DOCK8: variants seen among roughly 807,000 people sequenced by gnomAD.
DOCK8 encodes dedicator of cytokinesis protein 8.
Under a neutral mutation model 245.6 loss-of-function variants are expected in DOCK8, and 141 were observed. That is an observed-to-expected ratio of 0.57 (90% CI 0.50 to 0.66). DOCK8 has a LOEUF of 0.66. Among genes scored for constraint, DOCK8 ranks in the 30% least tolerant of loss-of-function variants. The probability of loss-of-function intolerance (pLI) is 0.00; values close to 1 mark genes in which losing one functional copy is unlikely to be tolerated. For synonymous variants in DOCK8, 1,168 were observed against 970.2 expected, an observed-to-expected ratio of 1.20 and a Z score of -3.79; for missense variants, 2,965 against 2,603.4, an observed-to-expected ratio of 1.14 and a Z score of -3.02.
At chr9:308,186 A>G (rs2049935368) in intron 5 of DOCK8, among the ~76,000 whole-genome samples, 1 of 152,246 alleles carries the variant, frequency 6.6e-6, no homozygotes, top group Non-Finnish European at 1.5e-5. Context: ...GTGTTTCCAA[A>G]TAGCTAGAAG....
intron 15 of DOCK8, chr9:370,008 G>T: frequency 1.7e-6 from 1 of 585,972 alleles, no homozygotes; most frequent in Admixed American, 2.8e-5. Context: ...TCGCCATGTT[G>T]CCCAGGCTGG....
intron 7 of DOCK8, among the ~76,000 whole-genome samples, chr9:318,442 G>T (rs991739092): frequency 2.0e-5 from 3 of 152,184 alleles, no homozygotes; most frequent in Non-Finnish European, 2.9e-5. Context: ...GAAGTTGATA[G>T]ACCTTATGGT....
chr9:354,726 T>C (rs2131046429), intron 14 of DOCK8, among the ~76,000 whole-genome samples: 1 of 152,316 alleles, frequency 6.6e-6, no homozygotes, highest in Middle Eastern at 3.4e-3. Context: ...GGTTCCTCAC[T>C]AAGCCAGAGG....
At chr9:393,307 TAATAGTTGGCATACC>T (rs149748021) in intron 24 of DOCK8, among the ~76,000 whole-genome samples, 30,786 of 151,908 alleles carry the variant, frequency 0.2, 3,244 homozygotes, top group Middle Eastern at 0.27. Flanking sequence ...AGAATCCCAA[TAATAGTTGGCATACC>T]AATAGTTGGC....
intron 14 of DOCK8, chr9:366,453 C>G (rs1162562774): frequency 6.6e-6 from 1 of 152,172 alleles, no homozygotes. Flanking sequence ...ATCATTTTTC[C>G]TCTCGAATAC....
At position 295,099 on chromosome 9, in the gene DOCK8, G is replaced by A. The variant is rs574948663; in HGVS notation, c.404+5518G>A. 3.3e-5 allele frequency among the ~76,000 whole-genome samples: 5 copies of A among 152,180 alleles called. No individual in the cohort carries two copies. The East Asian group carries it at 7.7e-4, about 23-fold the overall frequency. ...CGCTTGAACCTGGGAGGCGGAGGTT[G>A]CAGTGAGCTGAGATCATGCCATTGT... On this transcript the variant is annotated intron_variant, in intron 4 of 47. Transcript: ENST00000432829.
At chr9:418,002 A>G (rs1564039787) in intron 29 of DOCK8, 66 bp from the exon 30 acceptor site, 2 of 1,608,204 alleles carry the variant, frequency 1.2e-6, no homozygotes, top group Non-Finnish European at 1.7e-6. Flanking sequence ...TCAGTCTCTT[A>G]TTGGGTAGGG....
Position 376,318 on chromosome 9 carries a change from A to G in DOCK8, c.2205+13A>G. 6.4e-7 allele frequency: 1 copy of G among 1,570,280 alleles called. No individual in the cohort carries two copies. Among genetic ancestry groups the G allele is most frequent in the Non-Finnish European group, 8.8e-7 (1 of 1,139,850 alleles). Reference sequence around the variant, plus strand: ...TGTACACACCCAGGTAAGGAATGTCAAGGTTAATCATGAAGGTAAAGGTGC... The same window carrying G: ...TGTACACACCCAGGTAAGGAATGTCGAGGTTAATCATGAAGGTAAAGGTGC... On this transcript the variant is annotated intron_variant, in intron 19 of 47. Coordinates refer to ENST00000432829, the MANE Select transcript of DOCK8 (RefSeq NM_203447.4).
chr9:329,252 G>T (rs1012210204), intron 9 of DOCK8, among the ~76,000 whole-genome samples: 1 of 151,978 alleles, frequency 6.6e-6, no homozygotes, highest in African/African-American at 2.4e-5. Context: ...GTGCCCGGCC[G>T]TAAAATCATT....
At chr9:454,775 G>A (rs1220325272) in intron 46 of DOCK8, among the ~76,000 whole-genome samples, 1 of 152,122 alleles carries the variant, frequency 6.6e-6, no homozygotes, top group Admixed American at 6.5e-5. Context: ...TCACGGGTAT[G>A]ATCCTTTCCA....
intron 26 of DOCK8, among the ~76,000 whole-genome samples, chr9:401,407 G>C (rs981590751): frequency 1.3e-5 from 2 of 152,120 alleles, no homozygotes; most frequent in African/African-American, 4.8e-5. Context: ...AGGAGGATTA[G>C]GGCAGAAGCT....
intron 24 of DOCK8, among the ~76,000 whole-genome samples, chr9:395,580 C>A (rs12340453): frequency 6.6e-6 from 1 of 150,710 alleles, no homozygotes; most frequent in Non-Finnish European, 1.5e-5. Flanking sequence ...CAGTGGCTGT[C>A]TGACTAATCT....
chr9:252,068 G>T (rs1018833861), intron 1 of DOCK8, among the ~76,000 whole-genome samples: 1 of 150,934 alleles, frequency 6.6e-6, no homozygotes, highest in African/African-American at 2.4e-5. Flanking sequence ...CTGCCACCTG[G>T]GTTCAAGTGA....
At chr9:376,906 T>C (rs2053540610) in intron 19 of DOCK8, 71 bp from the exon 20 acceptor site, 36 of 1,348,208 alleles carry the variant, frequency 2.7e-5, no homozygotes, top group Non-Finnish European at 3.3e-5. Context: ...AGCTATTCGA[T>C]TGTGTTTGTG....
intron 3 of DOCK8, among the ~76,000 whole-genome samples, chr9:287,296 T>C (rs2048861776): frequency 6.6e-6 from 1 of 152,214 alleles, no homozygotes; most frequent in South Asian, 2.1e-4. Flanking sequence ...TGGGCATTAG[T>C]TTTTGGCATC....
At chr9:377,360 A>G in intron 20 of DOCK8, 149 bp downstream of exon 20, 2 of 595,780 alleles carry the variant, frequency 3.4e-6, no homozygotes, top group Non-Finnish European at 5.7e-6. Context: ...GTCTTATGCT[A>G]TTTTTTTTTT....
At position 336,614 on chromosome 9, in the gene DOCK8, G is replaced by C. The variant is rs1243117915; in HGVS notation, c.1318G>C (p.Ala440Pro). Residue 440 changes from alanine (A) to proline (P), a missense_variant, in exon 12 of 48, where the codon GCC (alanine) becomes CCC (proline). Physicochemically the swap from Ala to Pro is conservative, Grantham distance 27. This residue lies in a region of DOCK8 where 2,825 missense variants were observed against 2,453.5 expected (regional missense o/e 1.15). Coordinates refer to ENST00000432829, the MANE Select transcript of DOCK8 (RefSeq NM_203447.4). ...RSSVGERRTL[A>P]QSRRLSERAL... ...CTCAGTGGGTGAACGGAGGACATTGGCCCAATCTAGAAGGCTTTCTGAAAG... is the reference window on the plus strand; with the variant it reads ...CTCAGTGGGTGAACGGAGGACATTGCCCCAATCTAGAAGGCTTTCTGAAAG... 6.2e-7 allele frequency: 1 copy of C among 1,614,062 alleles called. No homozygotes were observed. The highest frequency in any genetic ancestry group is 2.2e-5 in the East Asian group (1 of 44,888).
At chr9:374,624 G>A (rs2053446144) in intron 18 of DOCK8, among the ~76,000 whole-genome samples, 1 of 72,202 alleles carries the variant, frequency 1.4e-5, no homozygotes, top group African/African-American at 5.3e-5. Flanking sequence ...ACCACGCCCA[G>A]CTAATTTTTT....
chr9:429,533 C>A (rs1021105302), intron 35 of DOCK8, among the ~76,000 whole-genome samples, 169 bp from the exon 36 acceptor site: 2 of 152,214 alleles, frequency 1.3e-5, no homozygotes, highest in African/African-American at 4.8e-5. Flanking sequence ...AAGTCTACTC[C>A]ATTGCTTAAA....
Sources: allele counts gnomAD v4.1 joint callset (sites outside exome capture counted in the v4.1 genomes callset), GRCh38; gene constraint gnomAD v4.1.1; regional missense constraint gnomAD v4.1.1; transcripts MANE v1.5; gene names NCBI Gene and HGNC (gene_info 2026-07-23, HGNC 2026-07-21).